Variants in CLCA2 observed in about 807,000 individuals in gnomAD.
The protein encoded by CLCA2 is chloride channel accessory 2.
A neutral mutation model predicts 82.9 loss-of-function variants in CLCA2; 85 were observed. The observed-to-expected ratio is 1.03, with a 90% CI of 0.86 to 1.23. The LOEUF is 1.23. Among genes scored for constraint, CLCA2 ranks in the 50% most tolerant of loss-of-function variants. The pLI, the probability that CLCA2 is intolerant of heterozygous loss-of-function variation, is 0.00. For missense variants in CLCA2, 1,089 were observed against 1,124.8 expected, an observed-to-expected ratio of 0.97 and a Z score of 0.45; for synonymous variants, 421 against 391.7, an observed-to-expected ratio of 1.07 and a Z score of -0.88.
chr1:86,450,441 A>T, intron 11 of CLCA2, 122 bp from the exon 12 acceptor site: 1 of 678,272 alleles, frequency 1.5e-6, no homozygotes, highest in Non-Finnish European at 2.2e-6. Context: ...AAAAGTAGAT[A>T]AGAGCATGAT....
At chr1:86,444,728 A>G (rs1662810574) in intron 10 of CLCA2, among the ~76,000 whole-genome samples, 1 of 152,180 alleles carries the variant, frequency 6.6e-6, no homozygotes, top group African/African-American at 2.4e-5. Flanking sequence ...TGTATTAGCA[A>G]GGGCTTTGCA....
chr1:86,454,119 T>A (rs1219502666), intron 13 of CLCA2, among the ~76,000 whole-genome samples: 2 of 152,198 alleles, frequency 1.3e-5, no homozygotes, highest in African/African-American at 2.4e-5. Context: ...GGAGTACTTT[T>A]TCTACTTTCC....
intron 6 of CLCA2, among the ~76,000 whole-genome samples, chr1:86,438,183 A>T (rs1401058501): frequency 1.3e-5 from 2 of 152,182 alleles, no homozygotes; most frequent in African/African-American, 4.8e-5. Context: ...GTGGGTGGTC[A>T]TTGAAGCTCA....
intron 11 of CLCA2, 147 bp from the exon 12 acceptor site, chr1:86,450,416 T>C: frequency 1.8e-6 from 1 of 542,776 alleles, no homozygotes; most frequent in Non-Finnish European, 3.0e-6. Context: ...GGATTTTTTA[T>C]CACCTGAGAA....
At position 86,456,505 on chromosome 1, in the gene CLCA2, C is replaced by T. The variant is rs1453824709; in HGVS notation, c.*978C>T. On this transcript the variant is annotated 3_prime_UTR_variant, in exon 14 of 14. Transcript: ENST00000370565. ...TTCATCTTTAATTTTACTCCTTCCTCTTATTTTTTTAAAAGATTATCGAAC... is the reference window on the plus strand; with the variant it reads ...TTCATCTTTAATTTTACTCCTTCCTTTTATTTTTTTAAAAGATTATCGAAC... The T allele has an allele frequency of 6.6e-6, 1 of 152,178 alleles. No homozygotes were observed. The allele number at this position is 152,178 out of a possible 1,614,324, so 9.4% of individuals were successfully genotyped here.
At chr1:86,443,203 AT>A (rs1423049791) in intron 9 of CLCA2, among the ~76,000 whole-genome samples, 1 of 151,976 alleles carries the variant, frequency 6.6e-6, no homozygotes, top group Non-Finnish European at 1.5e-5. Flanking sequence ...ATTTGTTGGT[AT>A]TTTTAGTACA....
At position 86,438,768 on chromosome 1, in the gene CLCA2, C is replaced by T. The variant is rs971104942; in HGVS notation, c.973-108C>T. On this transcript the variant is annotated intron_variant, in intron 6 of 13. Coordinates refer to ENST00000370565, the MANE Select transcript of CLCA2 (RefSeq NM_006536.7). ...CTTTAAAGCTCAAAAAATTATGATC[C>T]AACATCTCTAAAGAATTAGCAGAGA... 16 of 876,758 alleles carry T rather than the reference C, an allele frequency of 1.8e-5. No homozygotes were observed. The Admixed American group carries it at 2.5e-4, about 14-fold the overall frequency. 54.3% of individuals were successfully genotyped at this position (876,758 alleles called of 1,614,324 possible).
At chr1:86,434,319 G>A (rs866268255) in intron 5 of CLCA2, among the ~76,000 whole-genome samples, 199 bp from the exon 6 acceptor site, 1 of 152,300 alleles carries the variant, frequency 6.6e-6, no homozygotes, top group African/African-American at 2.4e-5. Flanking sequence ...CCACAAAGAT[G>A]CTAGTGTTCC....
intron 4 of CLCA2, 137 bp from the exon 5 acceptor site, chr1:86,432,232 C>T (rs530629097): frequency 1.0e-4 from 96 of 952,068 alleles, no homozygotes; most frequent in Non-Finnish European, 1.3e-4. Context: ...CACAGCACCC[C>T]GCCAGTAGAG....
chr1:86,454,847 CTT>C (rs1663040687), intron 13 of CLCA2, among the ~76,000 whole-genome samples: 1 of 149,862 alleles, frequency 6.7e-6, no homozygotes, highest in South Asian at 2.1e-4. Flanking sequence ...TACAAAATAA[CTT>C]AGGAAAAAAT....
chr1:86,439,139 A>G, intron 7 of CLCA2, 33 bp downstream of exon 7: 1 of 1,592,332 alleles, frequency 6.3e-7, no homozygotes, highest in Non-Finnish European at 8.6e-7. Context: ...TTGGATCACC[A>G]TCATTTTCCT....
In CLCA2 at chr1:86,432,438, T is replaced by G; in HGVS notation, c.654T>G (p.Ile218Met). Residue 218 changes from isoleucine (I) to methionine (M), a missense_variant, in exon 5 of 14, where the codon ATT becomes ATG. Ile to Met is a conservative substitution (Grantham distance 10, BLOSUM62 1). Coordinates refer to ENST00000370565, the MANE Select transcript of CLCA2 (RefSeq NM_006536.7). ...KGPCPQENCI[I>M]SKLFKEGCTF... ...CTTGCCCCCAAGAAAACTGTATTATTAGTAAGCTTTTTAAAGAAGGATGCA... is the reference window on the plus strand; with the variant it reads ...CTTGCCCCCAAGAAAACTGTATTATGAGTAAGCTTTTTAAAGAAGGATGCA... 2 of 1,614,064 alleles carry G rather than the reference T, an allele frequency of 1.2e-6. No individual in the cohort carries two copies. The highest frequency in any genetic ancestry group is 1.7e-6 in the Non-Finnish European group (2 of 1,179,990).
intron 11 of CLCA2, 83 bp from the exon 12 acceptor site, chr1:86,450,480 G>A: frequency 1.9e-6 from 2 of 1,048,306 alleles, no homozygotes; most frequent in Non-Finnish European, 2.7e-6. Flanking sequence ...AGAATAAGGG[G>A]AGTAAATCTC....
At chr1:86,426,593 C>A (rs1210307182) in intron 2 of CLCA2, among the ~76,000 whole-genome samples, 1 of 152,170 alleles carries the variant, frequency 6.6e-6, no homozygotes, top group Non-Finnish European at 1.5e-5. Flanking sequence ...TAAGCTCCAA[C>A]TAAGTGCCAG....
At position 86,455,150 on chromosome 1, in the gene CLCA2, A is replaced by G. The variant is rs185620553; in HGVS notation, c.2455A>G (p.Ile819Val). ...QNIQDDFNNA[I>V]LVNTSKRNPQ... ...TATCCAAGATGACTTTAACAATGCT[A>G]TTTTAGTAAATACATCAAAGCGAAA... The change falls in exon 14 of 14, where the codon ATT (isoleucine) becomes GTT (valine). Residue 819 changes from isoleucine to valine, a missense_variant. Ile to Val is a conservative substitution (Grantham distance 29). Transcript: ENST00000370565. 1,994 of 1,611,464 alleles carry G rather than the reference A, an allele frequency of 1.2e-3. 32 individuals are homozygous for G. The highest frequency in any genetic ancestry group is 7.6e-5 in the Non-Finnish European group (90 of 1,178,096).
intron 7 of CLCA2, 75 bp from the exon 8 acceptor site, chr1:86,440,073 T>C: frequency 6.9e-7 from 1 of 1,453,350 alleles, no homozygotes; most frequent in Non-Finnish European, 9.5e-7. Context: ...GGAATTTGGA[T>C]GAGAGTGAAT....
chr1:86,424,218 G>C lies in CLCA2; in HGVS notation c.-30G>C. The stretch of plus-strand genomic sequence containing the variant: ...TGACACAATGTATGCAGCAGGCTCA[G>C]TGTGAGTGAACTGGAGGCTTCTCTA... On this transcript the variant is annotated 5_prime_UTR_variant, in exon 1 of 14. Transcript: ENST00000370565. 6.3e-7 allele frequency: 1 copy of C among 1,594,236 alleles called. No homozygotes were observed. The highest frequency in any genetic ancestry group is 8.5e-7 in the Non-Finnish European group (1 of 1,171,394).
chr1:86,439,517 A>T (rs1022292631), intron 7 of CLCA2, among the ~76,000 whole-genome samples: 11 of 152,204 alleles, frequency 7.2e-5, no homozygotes, highest in Non-Finnish European at 8.8e-5. Flanking sequence ...CATCAGAACC[A>T]ATTAAGGCAA....
chr1:86,441,023 A>G (rs963870955), intron 8 of CLCA2, among the ~76,000 whole-genome samples: 1 of 152,222 alleles, frequency 6.6e-6, no homozygotes, highest in East Asian at 1.9e-4. Flanking sequence ...CTTATTCAAT[A>G]AAAAATGGGC....
Sources: allele counts gnomAD v4.1 joint callset (sites outside exome capture counted in the v4.1 genomes callset), GRCh38; gene constraint gnomAD v4.1.1; transcripts MANE v1.5; gene names NCBI Gene and HGNC (gene_info 2026-07-23, HGNC 2026-07-21).